Variants in ARVCF observed in about 807,000 individuals in gnomAD.
ARVCF encodes the protein ARVCF delta catenin family member.
ARVCF carries 66 observed loss-of-function variants against 90.9 expected under a neutral mutation model. The observed-to-expected ratio is 0.73, with a 90% CI of 0.60 to 0.89. The LOEUF (loss-of-function observed/expected upper bound fraction) is 0.89. Among genes scored for constraint, ARVCF ranks in the 40% least tolerant of loss-of-function variants. ARVCF has a pLI of 0.00. For missense variants in ARVCF, 1,469 were observed against 1,382.3 expected, an observed-to-expected ratio of 1.06 and a Z score of -1.00; for synonymous variants, 653 against 603.4, an observed-to-expected ratio of 1.08 and a Z score of -1.21.
In ARVCF at chr22:19,974,001, T is replaced by G; in HGVS notation, c.2088+111A>C. On this transcript the variant is annotated intron_variant, in intron 12 of 19. Transcript: ENST00000263207. Reference sequence around the variant, plus strand: ...CCCATACACCTCTTGGATCCTGGGGTGGTGGTGTGGCCCCTCCTTTCCCCG... The same window carrying G: ...CCCATACACCTCTTGGATCCTGGGGGGGTGGTGTGGCCCCTCCTTTCCCCG... The G allele has an allele frequency of 2.0e-6, 3 of 1,512,466 alleles. No homozygotes were observed. The South Asian group carries it at 3.8e-5, about 19-fold the overall frequency. 93.7% of individuals were successfully genotyped at this position (1,512,466 alleles called of 1,614,324 possible).
Position 19,970,589 on chromosome 22 carries a change from G to A in ARVCF, c.*167C>T. ...TAGGTAGGATGGGGGGAGTGGGGTG[G>A]GGGGGCAGGAGGGTGTCCCCAAAGT... On this transcript the variant is annotated 3_prime_UTR_variant, in exon 20 of 20. Transcript: ENST00000263207. 2 of 1,239,232 alleles carry A rather than the reference G, an allele frequency of 1.6e-6. No individual in the cohort carries two copies. The highest frequency in any genetic ancestry group is 1.6e-5 in the African/African-American group (1 of 63,956). The allele number at this position is 1,239,232 out of a possible 1,614,324, so 76.8% of individuals were successfully genotyped here.
intron 2 of ARVCF, among the ~76,000 whole-genome samples, chr22:20,002,718 G>A (rs1944487945): frequency 6.6e-6 from 1 of 152,164 alleles, no homozygotes; most frequent in Non-Finnish European, 1.5e-5. Flanking sequence ...CAAATTTGGG[G>A]GCTGCCACCA....
At chr22:20,003,028 AC>A (rs759949615) in intron 2 of ARVCF, among the ~76,000 whole-genome samples, 1 of 152,206 alleles carries the variant, frequency 6.6e-6, no homozygotes, top group Non-Finnish European at 1.5e-5. Context: ...ACAAAAAAAA[AC>A]CTCAATTTGT....
chr22:19,975,841 AC>A, intron 10 of ARVCF, 84 bp from the exon 11 acceptor site: 1 of 1,452,876 alleles, frequency 6.9e-7, no homozygotes, highest in Non-Finnish European at 9.6e-7. Context: ...GTTCTCTCCT[AC>A]CCAGGCCCCA....
rs1393980898 is a variant in ARVCF, at chr22:19,981,752, G to A, written c.370-15C>T. 6.4e-7 allele frequency: 1 copy of A among 1,556,472 alleles called. No individual in the cohort carries two copies. The highest frequency in any genetic ancestry group is 2.3e-5 in the East Asian group (1 of 44,316). ...GTCTTGGTGACCTGGTGGATGGATA[G>A]GCAGGTAGGTGGGGTAGCACGAGAG... On this transcript the variant is annotated splice_polypyrimidine_tract_variant and intron_variant, in intron 4 of 19. Transcript: ENST00000263207.
At chr22:19,996,916 T>C (rs1239083950) in intron 2 of ARVCF, among the ~76,000 whole-genome samples, 3 of 152,170 alleles carry the variant, frequency 2.0e-5, no homozygotes, top group African/African-American at 4.8e-5. Flanking sequence ...GGGACAGAGA[T>C]AGCTCCCCAG....
At chr22:19,999,225 T>A (rs1944359821) in intron 2 of ARVCF, among the ~76,000 whole-genome samples, 1 of 151,486 alleles carries the variant, frequency 6.6e-6, no homozygotes. Context: ...GGCAGCTCCC[T>A]GCATGTGGGC....
chr22:19,987,063 T>C, intron 3 of ARVCF: 3 of 640,188 alleles, frequency 4.7e-6, no homozygotes, highest in South Asian at 1.7e-5. Flanking sequence ...CAAGCCAACT[T>C]CCCTCCAACC....
At chr22:19,983,712 A>G (rs1223459272) in intron 3 of ARVCF, 1 of 152,318 alleles carries the variant, frequency 6.6e-6, no homozygotes, top group East Asian at 1.9e-4. Context: ...AAGCACCCCC[A>G]GAGAAGGCAA....
At chr22:19,988,879 G>A (rs538110208) in intron 3 of ARVCF, among the ~76,000 whole-genome samples, 1 of 152,110 alleles carries the variant, frequency 6.6e-6, no homozygotes, top group East Asian at 1.9e-4. Flanking sequence ...GAGTTCAGGG[G>A]CAGGGGTGGT....
chr22:19,992,962 C>T (rs1304433545), intron 2 of ARVCF, among the ~76,000 whole-genome samples: 2 of 152,188 alleles, frequency 1.3e-5, no homozygotes, highest in African/African-American at 2.4e-5. Context: ...CCAAACCCCA[C>T]GATGACCTTC....
chr22:19,999,025 T>A (rs1944353100), intron 2 of ARVCF, among the ~76,000 whole-genome samples: 2 of 152,014 alleles, frequency 1.3e-5, no homozygotes, highest in Non-Finnish European at 2.9e-5. Context: ...GCTGGGGAAA[T>A]GGAACCCTGA....
At chr22:19,998,968 C>T (rs1944351813) in intron 2 of ARVCF, among the ~76,000 whole-genome samples, 1 of 152,220 alleles carries the variant, frequency 6.6e-6, no homozygotes, top group Non-Finnish European at 1.5e-5. Flanking sequence ...TGGGACAGGC[C>T]AGAGTTGGAT....
rs540820113 is a variant in ARVCF at position 19,990,767 on chromosome 22, C to T, written c.28G>A (p.Ala10Thr). Reference protein sequence around the residue: MEDCNVHSAASILASVKEQE... With the variant: MEDCNVHSATSILASVKEQE... ...TCCTTCACCGAGGCCAGGATGCTGG[C>T]GGCCGAGTGCACATTGCAGTCCTCC... The change falls in exon 3 of 20, where the codon GCC (alanine) becomes ACC (threonine). Residue 10 changes from alanine to threonine, a missense_variant. By Grantham distance (58) the Ala-to-Thr change is moderately conservative (BLOSUM62 0). Coordinates refer to ENST00000263207, the MANE Select transcript of ARVCF (RefSeq NM_001670.3). The T allele has an allele frequency of 1.1e-5, 18 of 1,577,800 alleles. No homozygotes were observed. The highest frequency in any genetic ancestry group is 4.0e-5 in the African/African-American group (3 of 74,190).
chr22:19,990,403 T>C (rs1943981041), intron 3 of ARVCF, among the ~76,000 whole-genome samples, 182 bp downstream of exon 3: 1 of 152,212 alleles, frequency 6.6e-6, no homozygotes, highest in South Asian at 2.1e-4. Context: ...ACTCTTCACA[T>C]GGTGCCTAGT....
At chr22:20,002,970 C>T (rs1047091011) in intron 2 of ARVCF, among the ~76,000 whole-genome samples, 2 of 151,822 alleles carry the variant, frequency 1.3e-5, no homozygotes, top group South Asian at 2.1e-4. Flanking sequence ...CCAAGAACCA[C>T]AAAACAAAAT....
intron 14 of ARVCF, 30 bp from the exon 15 acceptor site, chr22:19,973,066 G>GGCCCCCC: frequency 3.1e-6 from 5 of 1,604,194 alleles, no homozygotes; most frequent in African/African-American, 1.3e-5. Flanking sequence ...GTCAGTGGTG[G>GGCCCCCC]CCCCTCCCCC....
chr22:19,997,934 AGT>A (rs930119914), intron 2 of ARVCF, among the ~76,000 whole-genome samples: 2 of 152,208 alleles, frequency 1.3e-5, no homozygotes, highest in African/African-American at 4.8e-5. Flanking sequence ...GGGCAGGCGC[AGT>A]GGAGGCGGAG....
intron 3 of ARVCF, among the ~76,000 whole-genome samples, chr22:19,984,602 G>C (rs944000845): frequency 6.6e-6 from 1 of 152,126 alleles, no homozygotes; most frequent in African/African-American, 2.4e-5. Flanking sequence ...CCTCAGACAG[G>C]GACACATGCA....
Sources: gnomAD v4.1 joint callset for allele counts (sites outside exome capture counted in the v4.1 genomes callset) on GRCh38, gnomAD v4.1.1 for gene constraint, MANE v1.5 for transcripts, NCBI Gene and HGNC (gene_info 2026-07-23, HGNC 2026-07-21) for gene names.